Variants in LOXHD1 observed in about 807,000 individuals in gnomAD.
The protein encoded by LOXHD1 is lipoxygenase homology domain-containing protein 1.
LOXHD1 carries 205 observed loss-of-function variants against 248.2 expected under a neutral mutation model. The observed-to-expected ratio is 0.83, with a 90% CI of 0.74 to 0.93. The LOEUF (loss-of-function observed/expected upper bound fraction) is 0.93, where lower values mean the gene tolerates loss of function less well. Ranked by LOEUF, LOXHD1 falls within the 40% of genes least tolerant of loss-of-function variation. The pLI, the probability that LOXHD1 is intolerant of heterozygous loss-of-function variation, is 0.00. For synonymous variants in LOXHD1, 1,113 were observed against 1,162.8 expected (o/e 0.96, Z 0.87); for missense variants, 2,930 against 2,971.6 (o/e 0.99, Z 0.33).
chr18:46,532,349 A>G (rs1470034296), intron 28 of LOXHD1, among the ~76,000 whole-genome samples: 4 of 152,248 alleles, frequency 2.6e-5, no homozygotes, highest in African/African-American at 9.6e-5. Flanking sequence ...TTGCTGGTCA[A>G]AACAGAGGTA....
intron 4 of LOXHD1, among the ~76,000 whole-genome samples, chr18:46,631,779 A>G (rs1268712179): frequency 6.6e-6 from 1 of 152,208 alleles, no homozygotes; most frequent in Admixed American, 6.5e-5. Context: ...GGGTCCTTGC[A>G]GGGCTTGATG....
intron 40 of LOXHD1, among the ~76,000 whole-genome samples, chr18:46,479,743 T>G (rs1598801542): frequency 6.6e-6 from 1 of 150,418 alleles, no homozygotes; most frequent in African/African-American, 2.4e-5. Context: ...AAACCCTATT[T>G]TAGATGAACA....
intron 18 of LOXHD1, 35 bp downstream of exon 18, chr18:46,563,029 CT>C: frequency 6.6e-7 from 1 of 1,519,742 alleles, no homozygotes; most frequent in Non-Finnish European, 8.9e-7. Flanking sequence ...TCCACTGAGC[CT>C]GCTGTTGGCA....
At chr18:46,531,691 G>T (rs562480637) in intron 28 of LOXHD1, among the ~76,000 whole-genome samples, 1 of 151,500 alleles carries the variant, frequency 6.6e-6, no homozygotes, top group Non-Finnish European at 1.5e-5. Flanking sequence ...CTCCCTCCCC[G>T]TCCCACCCAG....
intron 23 of LOXHD1, 95 bp from the exon 24 acceptor site, chr18:46,542,950 A>C: frequency 1.3e-6 from 2 of 1,495,894 alleles, no homozygotes; most frequent in Non-Finnish European, 1.8e-6. Flanking sequence ...AAATGACCAA[A>C]TTTCTGAACT....
chr18:46,618,323 A>C (rs781736449), intron 4 of LOXHD1, 33 bp from the exon 5 acceptor site: 52 of 1,454,860 alleles, frequency 3.6e-5, no homozygotes, highest in Middle Eastern at 1.7e-4. Context: ...ACCTTAGCTC[A>C]TCAGGATCCT....
intron 37 of LOXHD1, among the ~76,000 whole-genome samples, chr18:46,491,827 A>T (rs2033499532): frequency 6.6e-6 from 1 of 152,184 alleles, no homozygotes; most frequent in African/African-American, 2.4e-5. Flanking sequence ...CACTGCATGG[A>T]TGAAGACAAC....
intron 14 of LOXHD1, 81 bp downstream of exon 14, chr18:46,577,626 T>G: frequency 6.8e-7 from 1 of 1,465,836 alleles, no homozygotes; most frequent in Non-Finnish European, 9.2e-7. Context: ...TTGCTGGTCA[T>G]GGTAGTAGGG....
chr18:46,605,615 A>G (rs1223360529), intron 6 of LOXHD1, among the ~76,000 whole-genome samples: 1 of 152,200 alleles, frequency 6.6e-6, no homozygotes, highest in Non-Finnish European at 1.5e-5. Context: ...GGCAATAGGA[A>G]AAAGAAAAGA....
At chr18:46,514,964 A>G (rs746189915) in intron 34 of LOXHD1, among the ~76,000 whole-genome samples, 8 of 152,212 alleles carry the variant, frequency 5.3e-5, no homozygotes, top group Non-Finnish European at 8.8e-5. Flanking sequence ...ATTACCTTTT[A>G]GGGCATCATA....
intron 23 of LOXHD1, among the ~76,000 whole-genome samples, chr18:46,543,464 A>G (rs149016509): frequency 6.6e-6 from 1 of 152,290 alleles, no homozygotes; most frequent in Non-Finnish European, 1.5e-5. Flanking sequence ...CACGTGCAGA[A>G]CATGAGGTTT....
At chr18:46,518,817 T>C in intron 33 of LOXHD1, 1 of 950,200 alleles carries the variant, frequency 1.1e-6, no homozygotes, top group Non-Finnish European at 1.3e-6. Flanking sequence ...TTCCCCTTCA[T>C]GCCACAGCCT....
rs770440709 is a variant in LOXHD1 at position 46,559,627 on chromosome 18, T to C, written c.3062-25A>G. 1.7e-5 allele frequency: 27 copies of C among 1,549,786 alleles called. 1 individual carries two copies. The South Asian group carries it at 1.8e-4, about 10-fold the overall frequency. On this transcript the variant is annotated intron_variant, in intron 19 of 40. Transcript: ENST00000642948. Reference sequence around the variant, plus strand: ...CCTGTAGACACAGAAAGATGCAGTGTGGAGGGCCTCATGGCCATGGGGTGT... The same window carrying C: ...CCTGTAGACACAGAAAGATGCAGTGCGGAGGGCCTCATGGCCATGGGGTGT...
chr18:46,484,981 C>A, intron 39 of LOXHD1, 38 bp downstream of exon 39: 1 of 1,541,310 alleles, frequency 6.5e-7, no homozygotes, highest in Non-Finnish European at 8.8e-7. Context: ...CCTTACCTAC[C>A]CACCCCCCAC....
chr18:46,601,147 A>G (rs2038330521), intron 8 of LOXHD1, 70 bp downstream of exon 8: 1 of 1,501,628 alleles, frequency 6.7e-7, no homozygotes, highest in East Asian at 2.5e-5. Flanking sequence ...TTCAGGTTAA[A>G]GTTTGTACTT....
chr18:46,584,018 A>G (rs954136733), intron 12 of LOXHD1, among the ~76,000 whole-genome samples: 1 of 152,210 alleles, frequency 6.6e-6, no homozygotes, highest in Non-Finnish European at 1.5e-5. Flanking sequence ...TCAGCCACAA[A>G]AAAAGGAATA....
At chr18:46,520,046 T>A (rs1375617397) in intron 33 of LOXHD1, among the ~76,000 whole-genome samples, 2 of 152,114 alleles carry the variant, frequency 1.3e-5, no homozygotes, top group African/African-American at 4.8e-5. Context: ...GGCTGGGAAG[T>A]GGGTCAGGCG....
chr18:46,653,963 A>T (rs1338763662), intron 1 of LOXHD1, among the ~76,000 whole-genome samples: 1 of 152,220 alleles, frequency 6.6e-6, no homozygotes, highest in Non-Finnish European at 1.5e-5. Flanking sequence ...GGTTACTATC[A>T]TCATCATCAC....
At chr18:46,581,581 T>A (rs528024410) in intron 12 of LOXHD1, among the ~76,000 whole-genome samples, 1 of 152,252 alleles carries the variant, frequency 6.6e-6, no homozygotes, top group South Asian at 2.1e-4. Flanking sequence ...AGCCATGGGA[T>A]CAAATGAAAT....
Sources: allele counts gnomAD v4.1 joint callset (sites outside exome capture counted in the v4.1 genomes callset), GRCh38; gene constraint gnomAD v4.1.1; transcripts MANE v1.5; gene names NCBI Gene and HGNC (gene_info 2026-07-23, HGNC 2026-07-21).